The following PTGES3 variants were observed in gnomAD, a reference collection of about 807,000 sequenced individuals.
PTGES3 encodes Hsp90 co-chaperone.
A neutral mutation model predicts 29.9 loss-of-function variants in PTGES3; 5 were observed. The ratio of observed to expected loss-of-function variants is 0.17; its 90% CI spans 0.09 to 0.35. The LOEUF (loss-of-function observed/expected upper bound fraction) is 0.35, where lower values mean the gene tolerates loss of function less well. PTGES3 is among the 10% of genes least tolerant of loss of function. The pLI is 1.00. For missense variants in PTGES3, 128 were observed against 190.0 expected (o/e 0.67, Z 1.92); for synonymous variants, 49 against 57.8 (o/e 0.85, Z 0.69).
In PTGES3 at chr12:56,677,727, A is replaced by G. The variant is rs150371070; in HGVS notation, c.3-4662T>C. On this transcript the variant is annotated intron_variant, in intron 1 of 7. Transcript: ENST00000262033. ...GAGTTATAGCAACCACCAGAAATTC[A>G]GTTTTTAGAAGATGAAACTTAATGG... Among the ~76,000 whole-genome samples the G allele has an allele frequency of 5.3e-5, 8 of 152,104 alleles. No homozygotes were observed. In the East Asian group the frequency reaches 1.4e-3, roughly 26 times the overall value.
chr12:56,685,680 G>T (rs139741663), intron 1 of PTGES3, among the ~76,000 whole-genome samples: 1 of 150,992 alleles, frequency 6.6e-6, no homozygotes, highest in Non-Finnish European at 1.5e-5. Flanking sequence ...GATTACAGGA[G>T]TGAGCCACCC....
chr12:56,684,425 C>T (rs1242130861), intron 1 of PTGES3, among the ~76,000 whole-genome samples: 3 of 152,186 alleles, frequency 2.0e-5, no homozygotes, highest in Admixed American at 6.6e-5. Flanking sequence ...CCATCAGATA[C>T]TCAAGTTATA....
At chr12:56,682,152 T>C (rs1418517590) in intron 1 of PTGES3, among the ~76,000 whole-genome samples, 2 of 152,142 alleles carry the variant, frequency 1.3e-5, no homozygotes, top group Non-Finnish European at 2.9e-5. Flanking sequence ...CAGCTGACAT[T>C]GGCACTATCA....
intron 4 of PTGES3, chr12:56,670,683 T>A (rs1441341669): frequency 1.7e-5 from 4 of 228,974 alleles, no homozygotes; most frequent in Non-Finnish European, 3.5e-5. Flanking sequence ...GCGCAAGTAT[T>A]TCTCCCACTT....
chr12:56,671,629 G>A (rs1952010809), intron 4 of PTGES3, 120 bp downstream of exon 4: 4 of 504,258 alleles, frequency 7.9e-6, no homozygotes, highest in Non-Finnish European at 1.4e-5. Context: ...ACATGAACAT[G>A]AGGCTTTATA....
chr12:56,665,150 T>G (rs997247643), intron 6 of PTGES3: 1 of 985,164 alleles, frequency 1.0e-6, no homozygotes. Flanking sequence ...ATCCTAGCTG[T>G]TGAGTGAATA....
chr12:56,673,951 G>T (rs984486155), intron 1 of PTGES3, among the ~76,000 whole-genome samples: 2 of 152,032 alleles, frequency 1.3e-5, no homozygotes, highest in Non-Finnish European at 2.9e-5. Flanking sequence ...CTGGGCAACA[G>T]AGACTCTGTC....
chr12:56,683,180 G>A (rs1041023148), intron 1 of PTGES3, among the ~76,000 whole-genome samples: 5 of 150,920 alleles, frequency 3.3e-5, no homozygotes, highest in Admixed American at 6.6e-5. Flanking sequence ...AAACCCCATC[G>A]CTACTAAAAA....
intron 1 of PTGES3, among the ~76,000 whole-genome samples, chr12:56,677,186 G>C (rs1437520003): frequency 6.6e-6 from 1 of 150,458 alleles, no homozygotes; most frequent in Non-Finnish European, 1.5e-5. Context: ...GTTGCAGTAA[G>C]CCAGATAGCG....
intron 1 of PTGES3, 200 bp downstream of exon 1, chr12:56,687,798 G>A (rs1353401339): frequency 2.1e-6 from 3 of 1,433,778 alleles, no homozygotes; most frequent in African/African-American, 1.5e-5. Context: ...CGGTTCAGGG[G>A]TGGGGGAAGC....
chr12:56,682,723 A>AAAAAAAAG (rs1952606843), intron 1 of PTGES3, among the ~76,000 whole-genome samples: 1 of 146,326 alleles, frequency 6.8e-6, no homozygotes, highest in African/African-American at 2.6e-5. Flanking sequence ...ATTTAAAAGA[A>AAAAAAAAG]AAAAAAAAAA....
chr12:56,687,458 C>A (rs1282229791), intron 1 of PTGES3: 5 of 988,866 alleles, frequency 5.1e-6, no homozygotes, highest in Non-Finnish European at 6.0e-6. Context: ...AAGTATGTTG[C>A]GGCGTGGGCA....
intron 1 of PTGES3, among the ~76,000 whole-genome samples, chr12:56,677,375 G>C (rs1952304506): frequency 6.6e-6 from 1 of 152,014 alleles, no homozygotes; most frequent in South Asian, 2.1e-4. Context: ...AAGCCTTCCT[G>C]GTATATAGTG....
At chr12:56,673,859 G>C (rs1952109384) in intron 1 of PTGES3, among the ~76,000 whole-genome samples, 1 of 151,550 alleles carries the variant, frequency 6.6e-6, no homozygotes, top group South Asian at 2.1e-4. Flanking sequence ...GATACTTGAG[G>C]GATGGGACTG....
chr12:56,669,187 T>C (rs1951901373), intron 5 of PTGES3, among the ~76,000 whole-genome samples: 2 of 151,138 alleles, frequency 1.3e-5, no homozygotes, highest in African/African-American at 4.9e-5. Context: ...TTTTTTGTAG[T>C]TTTATTTAAT....
chr12:56,687,022 A>G, intron 1 of PTGES3: 1 of 392,202 alleles, frequency 2.5e-6, no homozygotes, highest in East Asian at 4.0e-5. Context: ...AAAAAAAAAA[A>G]AAAAAAAACC....
intron 1 of PTGES3, among the ~76,000 whole-genome samples, chr12:56,679,915 T>C (rs367585802): frequency 5.3e-5 from 8 of 151,956 alleles, no homozygotes; most frequent in Non-Finnish European, 1.0e-4. Flanking sequence ...CCTCAAGTGA[T>C]CCACCTGCCT....
intron 1 of PTGES3, among the ~76,000 whole-genome samples, chr12:56,676,302 T>C (rs1232033265): frequency 2.0e-5 from 3 of 151,748 alleles, no homozygotes; most frequent in Non-Finnish European, 4.4e-5. Context: ...TTTTTTTCAC[T>C]TCACAAAAAG....
intron 1 of PTGES3, among the ~76,000 whole-genome samples, chr12:56,673,487 A>T (rs1446204654): frequency 8.9e-6 from 1 of 112,842 alleles, no homozygotes; most frequent in Non-Finnish European, 1.6e-5. Context: ...CAAATACGGA[A>T]AAAAAAAAAA....
Sources: allele counts gnomAD v4.1 joint callset (sites outside exome capture counted in the v4.1 genomes callset), GRCh38; gene constraint gnomAD v4.1.1; transcripts MANE v1.5; gene names NCBI Gene and HGNC (gene_info 2026-07-23, HGNC 2026-07-21).